Variants in TMPRSS12 observed in about 807,000 individuals in gnomAD.
TMPRSS12 encodes transmembrane serine protease 12.
In TMPRSS12, 25 loss-of-function variants were observed where a neutral mutation model predicts 26.0. The observed-to-expected ratio is 0.96, with a 90% CI of 0.70 to 1.34. TMPRSS12 has a LOEUF of 1.34. Ranked by LOEUF, TMPRSS12 falls within the 40% of genes most tolerant of loss-of-function variation. TMPRSS12 has a pLI of 0.00. For synonymous variants in TMPRSS12, 150 were observed against 161.7 expected, an observed-to-expected ratio of 0.93 and a Z score of 0.55; for missense variants, 441 against 440.1, an observed-to-expected ratio of 1.00 and a Z score of -0.02.
intron 3 of TMPRSS12, among the ~76,000 whole-genome samples, chr12:50,877,583 C>A (rs922573754): frequency 6.6e-6 from 1 of 152,072 alleles, no homozygotes; most frequent in African/African-American, 2.4e-5. Flanking sequence ...AACACAATTC[C>A]ATTCATAATA....
chr12:50,882,001 ATATATATAT>A (rs1252903998), intron 3 of TMPRSS12, among the ~76,000 whole-genome samples: 3 of 12,166 alleles, frequency 2.5e-4, no homozygotes, highest in Non-Finnish European at 4.1e-4. Context: ...AAAAAAAAAT[ATATATATAT>A]ATATATATAT....
intron 2 of TMPRSS12, among the ~76,000 whole-genome samples, chr12:50,846,318 A>G (rs939391719): frequency 6.6e-6 from 1 of 152,124 alleles, no homozygotes; most frequent in Non-Finnish European, 1.5e-5. Context: ...ATTTTTGCAT[A>G]AGGTATCAGG....
At chr12:50,886,517 C>A (rs1013801637) in intron 4 of TMPRSS12, 3 of 152,170 alleles carry the variant, frequency 2.0e-5, no homozygotes, top group African/African-American at 7.2e-5. Flanking sequence ...AGTAAAGAAT[C>A]CAATCTAAGT....
intron 2 of TMPRSS12, among the ~76,000 whole-genome samples, chr12:50,849,015 C>T (rs957065473): frequency 2.0e-5 from 3 of 152,114 alleles, no homozygotes; most frequent in Non-Finnish European, 4.4e-5. Context: ...CAGGCATGTG[C>T]TACCATGTCT....
intron 3 of TMPRSS12, among the ~76,000 whole-genome samples, chr12:50,871,713 G>A (rs1052640100): frequency 1.3e-5 from 2 of 152,062 alleles, no homozygotes; most frequent in Non-Finnish European, 2.9e-5. Context: ...CTAATATCCA[G>A]AATCTGCAAC....
chr12:50,852,255 TA>T (rs968371798), intron 2 of TMPRSS12, among the ~76,000 whole-genome samples: 82 of 152,248 alleles, frequency 5.4e-4, no homozygotes, highest in African/African-American at 1.9e-3. Flanking sequence ...GCAAGTTGGA[TA>T]AAAAACAAGA....
intron 3 of TMPRSS12, among the ~76,000 whole-genome samples, chr12:50,868,884 G>A (rs1180746217): frequency 2.0e-5 from 3 of 152,104 alleles, no homozygotes; most frequent in African/African-American, 7.2e-5. Context: ...TAAATAACTT[G>A]CTCCTGAATA....
chr12:50,883,923 G>C (rs1401479572), intron 3 of TMPRSS12, among the ~76,000 whole-genome samples: 1 of 152,090 alleles, frequency 6.6e-6, no homozygotes, highest in Non-Finnish European at 1.5e-5. Flanking sequence ...GATTGCTTGA[G>C]CCCAGGAGTT....
chr12:50,860,465 G>A (rs1456410936), intron 3 of TMPRSS12, among the ~76,000 whole-genome samples: 1 of 152,112 alleles, frequency 6.6e-6, no homozygotes, highest in Non-Finnish European at 1.5e-5. Flanking sequence ...TCTCAGGCTG[G>A]AGTGCAGTGG....
intron 3 of TMPRSS12, among the ~76,000 whole-genome samples, chr12:50,867,394 G>T (rs962165682): frequency 1.3e-5 from 2 of 152,178 alleles, no homozygotes; most frequent in African/African-American, 4.8e-5. Flanking sequence ...AGAGCTCAAA[G>T]TCTTTGAATT....
At chr12:50,878,411 ATC>A (rs1207507860) in intron 3 of TMPRSS12, among the ~76,000 whole-genome samples, 3 of 142,474 alleles carry the variant, frequency 2.1e-5, no homozygotes, top group Admixed American at 7.0e-5. Flanking sequence ...GTGAGCCCCT[ATC>A]TCTGCAAAAA....
intron 2 of TMPRSS12, among the ~76,000 whole-genome samples, chr12:50,854,754 CA>C (rs1488505412): frequency 6.6e-6 from 1 of 152,056 alleles, no homozygotes; most frequent in African/African-American, 2.4e-5. Flanking sequence ...TACATCTAAC[CA>C]GGGATGTGAA....
At position 50,880,610 on chromosome 12, in the gene TMPRSS12, T is replaced by C. The variant is rs139954221; in HGVS notation, c.653-4636T>C. Among the ~76,000 whole-genome samples the C allele has an allele frequency of 6.9e-3, 1,040 of 150,706 alleles. 18 individuals are homozygous for C. Among genetic ancestry groups the C allele is most frequent in the Non-Finnish European group, 6.3e-3 (429 of 67,670 alleles). The stretch of plus-strand genomic sequence containing the variant: ...AAATATGCACTTACCCTGTTAAGCA[T>C]AGTTACCATATGACCTAGCAATTCC... On this transcript the variant is annotated intron_variant, in intron 3 of 4. Transcript: ENST00000398458.
chr12:50,867,656 A>G (rs1242019814), intron 3 of TMPRSS12, among the ~76,000 whole-genome samples: 1 of 152,226 alleles, frequency 6.6e-6, no homozygotes. Context: ...AAAGATCATC[A>G]TCTAGGCACA....
chr12:50,865,406 C>G (rs747741459), intron 3 of TMPRSS12, among the ~76,000 whole-genome samples: 3 of 152,012 alleles, frequency 2.0e-5, no homozygotes, highest in Non-Finnish European at 2.9e-5. Context: ...ATTTGTGAAC[C>G]AGAAGATATA....
chr12:50,856,676 TTG>T (rs1415062379), intron 2 of TMPRSS12, among the ~76,000 whole-genome samples: 5 of 151,708 alleles, frequency 3.3e-5, no homozygotes, highest in Non-Finnish European at 5.9e-5. Context: ...TGTGGTTTTT[TTG>T]TTGTTGTTGT....
intron 3 of TMPRSS12, among the ~76,000 whole-genome samples, chr12:50,864,279 T>A (rs1937966911): frequency 4.6e-5 from 7 of 152,152 alleles, no homozygotes; most frequent in Admixed American, 4.6e-4. Flanking sequence ...GAAACCCAAC[T>A]TCATCTAAGG....
intron 3 of TMPRSS12, among the ~76,000 whole-genome samples, chr12:50,881,753 G>A (rs761991000): frequency 7.3e-5 from 11 of 150,282 alleles, no homozygotes; most frequent in Non-Finnish European, 1.3e-4. Flanking sequence ...GGCAGATCAC[G>A]AGGTCAAGAG....
At chr12:50,879,340 C>A (rs1938143224) in intron 3 of TMPRSS12, among the ~76,000 whole-genome samples, 1 of 152,136 alleles carries the variant, frequency 6.6e-6, no homozygotes, top group African/African-American at 2.4e-5. Flanking sequence ...CATGTATCCT[C>A]TTCAAAAGCC....
Sources: gnomAD v4.1 joint callset for allele counts (sites outside exome capture counted in the v4.1 genomes callset) on GRCh38, gnomAD v4.1.1 for gene constraint, MANE v1.5 for transcripts, NCBI Gene and HGNC (gene_info 2026-07-23, HGNC 2026-07-21) for gene names.